HAPSTR1: variants seen among roughly 807,000 people sequenced by gnomAD.
The protein encoded by HAPSTR1 is HUWE1 associated protein modifying stress responses.
chr16:9,104,272 C>G, the HAPSTR1 span: 8 of 152,130 alleles, frequency 5.3e-5, no homozygotes, highest in Non-Finnish European at 1.2e-4. Context: ...TGCCACCACG[C>G]CGGCTAATTT....
chr16:9,094,579 C>G, the HAPSTR1 span, among the ~76,000 whole-genome samples: 1 of 152,042 alleles, frequency 6.6e-6, no homozygotes, highest in African/African-American at 2.4e-5. Flanking sequence ...TCTCCTCCAT[C>G]ATGTCCTAAA....
the HAPSTR1 span, chr16:9,105,012 A>C: frequency 6.6e-6 from 1 of 152,196 alleles, no homozygotes; most frequent in Admixed American, 6.5e-5. Context: ...CATAAAAACC[A>C]TGCTTGTTAT....
At chr16:9,093,906 T>C in the HAPSTR1 span, among the ~76,000 whole-genome samples, 2 of 152,036 alleles carry the variant, frequency 1.3e-5, no homozygotes, top group African/African-American at 2.4e-5. Flanking sequence ...AAGAAATATG[T>C]AATTAAATGT....
chr16:9,111,623 TCATTG>T, the HAPSTR1 span: 1 of 152,206 alleles, frequency 6.6e-6, no homozygotes, highest in East Asian at 1.9e-4. Context: ...GACTTTTTTT[TCATTG>T]CAGTGAAAAG....
chr16:9,098,920 C>A, the HAPSTR1 span, among the ~76,000 whole-genome samples: 158 of 152,186 alleles, frequency 1.0e-3, no homozygotes, highest in African/African-American at 3.6e-3. Flanking sequence ...TACAAACTTG[C>A]GATACCTGCT....
the HAPSTR1 span, among the ~76,000 whole-genome samples, chr16:9,113,835 G>T: frequency 4.6e-5 from 7 of 152,162 alleles, no homozygotes; most frequent in Admixed American, 3.9e-4. Context: ...CAACAATGGG[G>T]ATAATTGAGT....
chr16:9,092,107 C>T, the HAPSTR1 span: 31 of 1,548,968 alleles, frequency 2.0e-5, no homozygotes, highest in African/African-American at 2.7e-5. Context: ...AGCACTGGTT[C>T]TCCAAGTGGG....
At chr16:9,114,067 C>T in the HAPSTR1 span, among the ~76,000 whole-genome samples, 4 of 152,138 alleles carry the variant, frequency 2.6e-5, no homozygotes, top group Non-Finnish European at 4.4e-5. Context: ...TAGGAAGAGA[C>T]GGTTGATTGT....
At chr16:9,091,931 G>A in the HAPSTR1 span, 10 of 876,752 alleles carry the variant, frequency 1.1e-5, no homozygotes, top group Admixed American at 3.9e-4. Context: ...AGGAGAAGGC[G>A]CCGTCGGTCG....
At chr16:9,101,116 A>G in the HAPSTR1 span, among the ~76,000 whole-genome samples, 9 of 152,194 alleles carry the variant, frequency 5.9e-5, no homozygotes, top group African/African-American at 9.6e-5. Context: ...TAGTTGGTCA[A>G]TGACTTGATT....
At chr16:9,115,862 G>C in the HAPSTR1 span, among the ~76,000 whole-genome samples, 1 of 152,036 alleles carries the variant, frequency 6.6e-6, no homozygotes, top group Non-Finnish European at 1.5e-5. Flanking sequence ...AGATCTGCCC[G>C]GCCTCCCAAA....
chr16:9,103,458 T>C, the HAPSTR1 span: 4 of 573,444 alleles, frequency 7.0e-6, no homozygotes, highest in East Asian at 1.2e-4. Context: ...TAGAAAATGT[T>C]TTTAGAAAGT....
the HAPSTR1 span, chr16:9,112,192 C>T: frequency 6.6e-6 from 1 of 152,178 alleles, no homozygotes. Flanking sequence ...CCTGGTACAT[C>T]TTAAACACGA....
chr16:9,120,869 G>A, the HAPSTR1 span: 1 of 151,752 alleles, frequency 6.6e-6, no homozygotes, highest in East Asian at 1.9e-4. Flanking sequence ...TTAGATACGG[G>A]GTTTCAAATA....
chr16:9,104,759 C>G, the HAPSTR1 span: 1 of 152,178 alleles, frequency 6.6e-6, no homozygotes, highest in Non-Finnish European at 1.5e-5. Flanking sequence ...TGGGATTGAT[C>G]TGTTTATGCT....
the HAPSTR1 span, chr16:9,092,304 G>C: frequency 1.4e-6 from 2 of 1,455,666 alleles, no homozygotes; most frequent in South Asian, 2.7e-5. Flanking sequence ...GTACCGCTTG[G>C]CCGCCCCCGC....
chr16:9,092,146 G>A, the HAPSTR1 span: 2 of 1,559,654 alleles, frequency 1.3e-6, no homozygotes, highest in East Asian at 2.4e-5. Flanking sequence ...AGGCCGAACA[G>A]GACGAGCAGC....
the HAPSTR1 span, chr16:9,105,955 A>G: frequency 2.6e-5 from 4 of 152,200 alleles, no homozygotes; most frequent in Non-Finnish European, 4.4e-5. Flanking sequence ...GCCCAACCAA[A>G]TAACTGTGTT....
the HAPSTR1 span, chr16:9,120,695 T>TC: frequency 1.6e-5 from 2 of 126,062 alleles, no homozygotes; most frequent in East Asian, 4.1e-4. Context: ...TTTTTTTTTT[T>TC]GTGATGGAGT....
Sources: gnomAD v4.1 joint callset for allele counts (sites outside exome capture counted in the v4.1 genomes callset) on GRCh38, gnomAD v4.1.1 for gene constraint, MANE v1.5 for transcripts, NCBI Gene and HGNC (gene_info 2026-07-23, HGNC 2026-07-21) for gene names.